Variants in GPC5 observed in about 807,000 individuals in gnomAD.
The protein encoded by GPC5 is glypican 5.
GPC5 carries 47 observed loss-of-function variants against 53.9 expected under a neutral mutation model. The ratio of observed to expected loss-of-function variants is 0.87; its 90% CI spans 0.69 to 1.11. The LOEUF (loss-of-function observed/expected upper bound fraction) is 1.11. GPC5 is among the 50% of genes most tolerant of loss of function. The pLI is 0.00. For synonymous variants in GPC5, 286 were observed against 263.3 expected (o/e 1.09, Z -0.84); for missense variants, 748 against 713.1 (o/e 1.05, Z -0.56).
intron 2 of GPC5, among the ~76,000 whole-genome samples, chr13:91,541,064 C>T (rs1016085098): frequency 6.6e-6 from 1 of 151,854 alleles, no homozygotes; most frequent in African/African-American, 2.4e-5. Flanking sequence ...TTAAAATTAC[C>T]TAATTTTTGT....
chr13:92,050,991 T>C (rs1044739573), intron 6 of GPC5, among the ~76,000 whole-genome samples: 2 of 152,054 alleles, frequency 1.3e-5, no homozygotes, highest in African/African-American at 4.8e-5. Context: ...ATAAACCTCA[T>C]TTTTTGTGGA....
intron 7 of GPC5, among the ~76,000 whole-genome samples, chr13:92,581,047 A>G (rs1883352324): frequency 6.6e-6 from 1 of 152,152 alleles, no homozygotes; most frequent in South Asian, 2.1e-4. Flanking sequence ...CATATATCTT[A>G]CCTCATATTC....
At chr13:91,478,881 T>TTTTATATATATATA (rs562726720) in intron 2 of GPC5, among the ~76,000 whole-genome samples, 1 of 67,498 alleles carries the variant, frequency 1.5e-5, no homozygotes, top group Non-Finnish European at 2.5e-5. Context: ...TATATACACA[T>TTTTATATATATATA]TATATATATA....
chr13:92,125,095 G>T (rs7336783), intron 6 of GPC5, among the ~76,000 whole-genome samples: 1 of 152,198 alleles, frequency 6.6e-6, no homozygotes, highest in South Asian at 2.1e-4. Context: ...GATAAAGGGA[G>T]TTGCCATGTT....
intron 7 of GPC5, among the ~76,000 whole-genome samples, chr13:92,692,838 T>A (rs1228454272): frequency 6.7e-6 from 1 of 149,008 alleles, no homozygotes; most frequent in African/African-American, 2.5e-5. Context: ...GGATTTGCAT[T>A]TTTTTGCTGA....
chr13:91,885,115 A>G (rs1437552494), intron 5 of GPC5, among the ~76,000 whole-genome samples: 2 of 152,166 alleles, frequency 1.3e-5, no homozygotes, highest in Non-Finnish European at 2.9e-5. Context: ...ACAGTTTCCT[A>G]ATGCTTGAAA....
chr13:91,417,018 C>T (rs1339147435), intron 1 of GPC5, among the ~76,000 whole-genome samples: 4 of 152,066 alleles, frequency 2.6e-5, no homozygotes, highest in African/African-American at 9.7e-5. Flanking sequence ...ACTCCAATTA[C>T]AGAGGCACTT....
chr13:91,941,258 A>G (rs1252324001), intron 6 of GPC5, among the ~76,000 whole-genome samples: 1 of 152,132 alleles, frequency 6.6e-6, no homozygotes, highest in Non-Finnish European at 1.5e-5. Context: ...GTAGCCTTAT[A>G]GCATAGTTTG....
At chr13:92,214,055 G>T (rs1196044669) in intron 7 of GPC5, among the ~76,000 whole-genome samples, 7 of 152,162 alleles carry the variant, frequency 4.6e-5, no homozygotes, top group South Asian at 2.1e-4. Context: ...AAGGACAAAA[G>T]AAAATCATAC....
chr13:92,527,205 GAA>G (rs756742947), intron 7 of GPC5, among the ~76,000 whole-genome samples: 40 of 25,928 alleles, frequency 1.5e-3, no homozygotes, highest in Admixed American at 5.3e-3. Flanking sequence ...AAGAAAGAAA[GAA>G]AGAAAGAAAG....
intron 2 of GPC5, among the ~76,000 whole-genome samples, chr13:91,657,121 G>A (rs536639087): frequency 6.6e-6 from 1 of 152,260 alleles, no homozygotes; most frequent in East Asian, 1.9e-4. Context: ...AACTAGATTT[G>A]CATTTGTGAA....
chr13:92,385,403 TATATACACATATATATAC>T (rs1486805391), intron 7 of GPC5, among the ~76,000 whole-genome samples: 25 of 52,960 alleles, frequency 4.7e-4, no homozygotes, highest in Admixed American at 1.3e-3. Context: ...TATATACACA[TATATACACATATATATAC>T]ATATATACAT....
In GPC5 at chr13:92,071,264, A is replaced by G. The variant is rs540277438; in HGVS notation, c.1402-73566A>G. On this transcript the variant is annotated intron_variant, in intron 6 of 7. Transcript: ENST00000377067. ...AAAATTGTCAATTATTTTTTTCTGTAGTCTCCTTTTTAATTTTTTGTTACA... is the reference window on the plus strand; with the variant it reads ...AAAATTGTCAATTATTTTTTTCTGTGGTCTCCTTTTTAATTTTTTGTTACA... Among the ~76,000 whole-genome samples the G allele has an allele frequency of 5.3e-5, 8 of 152,286 alleles. No homozygotes were observed. In the East Asian group the frequency reaches 1.5e-3, roughly 29 times the overall value.
intron 7 of GPC5, among the ~76,000 whole-genome samples, chr13:92,282,163 T>C (rs2042920550): frequency 6.6e-6 from 1 of 152,246 alleles, no homozygotes; most frequent in East Asian, 1.9e-4. Context: ...GAAGATCAAA[T>C]GAATGAAATG....
At chr13:92,755,992 C>T (rs1209459009) in intron 7 of GPC5, among the ~76,000 whole-genome samples, 4 of 151,924 alleles carry the variant, frequency 2.6e-5, no homozygotes, top group South Asian at 4.2e-4. Context: ...AGGCCAGCAT[C>T]ATTCTGATAC....
chr13:92,527,259 GAAAGAAAGAAAGAAAGAAAGAAAA>G (rs1881392858), intron 7 of GPC5, among the ~76,000 whole-genome samples: 1 of 123,028 alleles, frequency 8.1e-6, no homozygotes, highest in Admixed American at 7.7e-5. Flanking sequence ...GAGAAAGAAA[GAAAGAAAGAAAGAAAGAAAGAAAA>G]AGATCAACAG....
At chr13:92,424,792 A>G (rs1364160953) in intron 7 of GPC5, among the ~76,000 whole-genome samples, 2 of 151,670 alleles carry the variant, frequency 1.3e-5, no homozygotes, top group Non-Finnish European at 2.9e-5. Flanking sequence ...TCTATAGTTG[A>G]CACAAATCAA....
intron 2 of GPC5, among the ~76,000 whole-genome samples, chr13:91,683,380 C>G (rs575280289): frequency 6.6e-6 from 1 of 152,158 alleles, no homozygotes; most frequent in African/African-American, 2.4e-5. Flanking sequence ...AGAAGGCATA[C>G]TTTTCTGTTA....
intron 1 of GPC5, among the ~76,000 whole-genome samples, chr13:91,411,125 A>C (rs1877748213): frequency 6.6e-6 from 1 of 152,188 alleles, no homozygotes; most frequent in South Asian, 2.1e-4. Flanking sequence ...CAAACAAACA[A>C]ACAAAAAAAC....
Sources: allele counts gnomAD v4.1 joint callset (sites outside exome capture counted in the v4.1 genomes callset), GRCh38; gene constraint gnomAD v4.1.1; transcripts MANE v1.5; gene names NCBI Gene and HGNC (gene_info 2026-07-23, HGNC 2026-07-21).